TSHZ2: variants seen among roughly 807,000 people sequenced by gnomAD.
TSHZ2 encodes the protein teashirt homolog 2.
In TSHZ2, 21 loss-of-function variants were observed where a neutral mutation model predicts 74.4. That is an observed-to-expected ratio of 0.28 (90% CI 0.20 to 0.41). TSHZ2 has a LOEUF of 0.41. Among genes scored for constraint, TSHZ2 ranks in the 10% least tolerant of loss-of-function variants. TSHZ2 has a pLI of 1.00. For missense variants in TSHZ2, 1,244 were observed against 1,293.5 expected, an observed-to-expected ratio of 0.96 and a Z score of 0.59; for synonymous variants, 540 against 515.3, an observed-to-expected ratio of 1.05 and a Z score of -0.65.
Position 53,179,213 on chromosome 20 carries a change from A to G in TSHZ2, c.41-74286A>G, listed in dbSNP as rs181082440. The G allele has an allele frequency of 2.0e-5, 3 of 151,152 alleles. No individual in the cohort carries two copies. The East Asian group carries it at 5.8e-4, about 29-fold the overall frequency. 9.4% of individuals were successfully genotyped at this position (151,152 alleles called of 1,614,324 possible). On this transcript the variant is annotated intron_variant, in intron 1 of 2. Coordinates refer to ENST00000371497, the MANE Select transcript of TSHZ2 (RefSeq NM_173485.6). The stretch of plus-strand genomic sequence containing the variant: ...GATTTCATTTGAGTGTTTCTTTCTC[A>G]TTTTCTTCGAAGTAATTCTTCCAAA...
chr20:53,007,954 T>C (rs977098202), intron 1 of TSHZ2, among the ~76,000 whole-genome samples: 2 of 152,144 alleles, frequency 1.3e-5, no homozygotes, highest in Non-Finnish European at 2.9e-5. Flanking sequence ...CATTATAAAT[T>C]ATGTGTAAGG....
chr20:53,442,370 T>TATTC (rs1984368615), intron 2 of TSHZ2, among the ~76,000 whole-genome samples: 1 of 152,176 alleles, frequency 6.6e-6, no homozygotes, highest in Admixed American at 6.5e-5. Context: ...CCTCTTCCCA[T>TATTC]ATTCATTTTT....
chr20:53,439,942 G>C (rs1045954007), intron 2 of TSHZ2, among the ~76,000 whole-genome samples: 1 of 152,152 alleles, frequency 6.6e-6, no homozygotes, highest in Non-Finnish European at 1.5e-5. Flanking sequence ...CTCATTTACA[G>C]TTTAAATTAT....
At chr20:53,450,689 T>TTTTG (rs1185065687) in intron 2 of TSHZ2, among the ~76,000 whole-genome samples, 1 of 152,026 alleles carries the variant, frequency 6.6e-6, no homozygotes. Context: ...ATACCTGGCT[T>TTTTG]TTTGTTTGTT....
chr20:53,195,898 T>G (rs994031941), intron 1 of TSHZ2, among the ~76,000 whole-genome samples: 6 of 152,182 alleles, frequency 3.9e-5, no homozygotes, highest in African/African-American at 1.4e-4. Flanking sequence ...CAGACCTAAC[T>G]GCAGGTGACT....
At chr20:53,168,390 G>A (rs1039221723) in intron 1 of TSHZ2, among the ~76,000 whole-genome samples, 2 of 152,184 alleles carry the variant, frequency 1.3e-5, no homozygotes, top group Admixed American at 1.3e-4. Context: ...TCTAGTTTAT[G>A]AGAATGGAAT....
chr20:53,340,184 C>CTTTTTTCTTTT (rs1555852084), intron 2 of TSHZ2, among the ~76,000 whole-genome samples: 3 of 109,870 alleles, frequency 2.7e-5, no homozygotes, highest in Admixed American at 1.1e-4. Flanking sequence ...TTTCTTTTTT[C>CTTTTTTCTTTT]TTTTTTTTTT....
chr20:53,252,188 T>A (rs527697302), intron 1 of TSHZ2, among the ~76,000 whole-genome samples: 1 of 152,348 alleles, frequency 6.6e-6, no homozygotes, highest in Admixed American at 6.5e-5. Context: ...TTGTAGCTGC[T>A]TTATCCTAGC....
At chr20:53,140,558 AAAAAAAG>A (rs1196023988) in intron 1 of TSHZ2, among the ~76,000 whole-genome samples, 2 of 146,282 alleles carry the variant, frequency 1.4e-5, no homozygotes, top group Non-Finnish European at 3.0e-5. Context: ...AAAAAAAAAA[AAAAAAAG>A]AGGGACAGTC....
At chr20:53,429,847 G>A (rs969527517) in intron 2 of TSHZ2, among the ~76,000 whole-genome samples, 1 of 152,076 alleles carries the variant, frequency 6.6e-6, no homozygotes, top group Non-Finnish European at 1.5e-5. Flanking sequence ...CAGGGTGTCA[G>A]GGTTTCTCAG....
At chr20:53,317,775 C>G (rs1979083842) in intron 2 of TSHZ2, among the ~76,000 whole-genome samples, 1 of 152,168 alleles carries the variant, frequency 6.6e-6, no homozygotes, top group Non-Finnish European at 1.5e-5. Context: ...CATTGCCGAT[C>G]AAAAACCCTC....
At chr20:53,321,840 C>T (rs547921880) in intron 2 of TSHZ2, among the ~76,000 whole-genome samples, 4 of 151,864 alleles carry the variant, frequency 2.6e-5, no homozygotes, top group Non-Finnish European at 4.4e-5. Flanking sequence ...AGTGTGGACC[C>T]GGTGATGCCT....
intron 1 of TSHZ2, among the ~76,000 whole-genome samples, chr20:53,128,082 T>A (rs1333817366): frequency 2.0e-5 from 3 of 152,210 alleles, no homozygotes; most frequent in Admixed American, 2.0e-4. Context: ...ATAGTAGATT[T>A]CATCTTGAGG....
chr20:53,225,138 G>A (rs1989655941), intron 1 of TSHZ2, among the ~76,000 whole-genome samples: 1 of 152,238 alleles, frequency 6.6e-6, no homozygotes. Flanking sequence ...CAGGCAGTGG[G>A]TCAGATTTGG....
At chr20:53,235,042 A>T (rs1989909375) in intron 1 of TSHZ2, among the ~76,000 whole-genome samples, 1 of 146,004 alleles carries the variant, frequency 6.8e-6, no homozygotes, top group Non-Finnish European at 1.5e-5. Flanking sequence ...TCAGTCCCCT[A>T]GGAGCGCACC....
At position 53,254,000 on chromosome 20, in the gene TSHZ2, T is replaced by C. The variant is rs139562721; in HGVS notation, c.542T>C (p.Leu181Ser). ...CTGTCCAAAAGCCTGCAGCAGAACT[T>C]GCCTTCTCGGTCCGTCTCGAAACCC... ...DALSKSLQQNLPSRSVSKPSL... is the reference protein window; with the variant it reads ...DALSKSLQQNSPSRSVSKPSL... The change falls in exon 2 of 3, where the codon TTG (leucine) becomes TCG (serine). Residue 181 changes from leucine to serine, a missense_variant. Physicochemically the swap from Leu to Ser is moderately radical, Grantham distance 145. Transcript: ENST00000371497. 69 of 1,614,054 alleles carry C rather than the reference T, an allele frequency of 4.3e-5. No individual in the cohort carries two copies. The African/African-American group carries it at 8.5e-4, about 20-fold the overall frequency.
At chr20:53,105,066 C>T (rs1986324241) in intron 1 of TSHZ2, among the ~76,000 whole-genome samples, 1 of 152,140 alleles carries the variant, frequency 6.6e-6, no homozygotes, top group Non-Finnish European at 1.5e-5. Context: ...TTTCTGCATT[C>T]CTAGATGCAG....
At chr20:53,344,938 A>G (rs1054055276) in intron 2 of TSHZ2, among the ~76,000 whole-genome samples, 1 of 152,232 alleles carries the variant, frequency 6.6e-6, no homozygotes, top group Non-Finnish European at 1.5e-5. Flanking sequence ...ATACGTGGGT[A>G]GATGGACAAT....
intron 2 of TSHZ2, among the ~76,000 whole-genome samples, chr20:53,452,598 C>CAA (rs11313655): frequency 9.4e-4 from 114 of 121,280 alleles, no homozygotes; most frequent in African/African-American, 3.0e-3. Context: ...GACTCTGTCT[C>CAA]AAAAAAAAAA....
Sources: allele counts gnomAD v4.1 joint callset (sites outside exome capture counted in the v4.1 genomes callset), GRCh38; gene constraint gnomAD v4.1.1; transcripts MANE v1.5; gene names NCBI Gene and HGNC (gene_info 2026-07-23, HGNC 2026-07-21).